The following CFAP52 variants were observed in gnomAD, a reference collection of about 807,000 sequenced individuals.
CFAP52 encodes the protein cilia- and flagella-associated protein 52.
In CFAP52, 57 loss-of-function variants were observed where a neutral mutation model predicts 70.5. The observed-to-expected ratio is 0.81, with a 90% confidence interval of 0.65 to 1.01. The LOEUF (loss-of-function observed/expected upper bound fraction) is 1.01, where lower values mean the gene tolerates loss of function less well. CFAP52 is among the 50% of genes least tolerant of loss of function. CFAP52 has a pLI of 0.00. For synonymous variants in CFAP52, 267 were observed against 292.5 expected (o/e 0.91, Z 0.89); for missense variants, 785 against 788.5 (o/e 1.00, Z 0.05).
chr17:9,638,548 G>T, intron 11 of CFAP52, 61 bp from the exon 12 acceptor site: 1 of 1,527,466 alleles, frequency 6.5e-7, no homozygotes, highest in Non-Finnish European at 9.1e-7. Context: ...AGCTTGAATA[G>T]TGAATAAATT....
At chr17:9,600,633 C>T (rs1325052532) in intron 6 of CFAP52, among the ~76,000 whole-genome samples, 2 of 151,918 alleles carry the variant, frequency 1.3e-5, no homozygotes, top group South Asian at 2.1e-4. Flanking sequence ...GGCGAGATGT[C>T]GGTTCACAGC....
chr17:9,577,458 TG>T (rs1567617095), intron 1 of CFAP52, among the ~76,000 whole-genome samples: 1 of 152,244 alleles, frequency 6.6e-6, no homozygotes, highest in African/African-American at 2.4e-5. Flanking sequence ...GGGGTTTTAT[TG>T]TTCGTTTTGA....
downstream of CFAP52, among the ~76,000 whole-genome samples, chr17:9,644,076 G>A (rs1911210485): frequency 6.6e-6 from 1 of 152,194 alleles, no homozygotes; most frequent in South Asian, 2.1e-4. Flanking sequence ...GGTAACTGCT[G>A]TAACCCGGTT....
At chr17:9,586,568 C>A (rs1176082383) in intron 2 of CFAP52, 130 bp from the exon 3 acceptor site, 662 of 894,118 alleles carry the variant, frequency 7.4e-4, no homozygotes, top group African/African-American at 4.3e-3. Flanking sequence ...TCCGTCTCAA[C>A]AAAAAAAAAA....
At chr17:9,612,195 TGA>T (rs1909739092) in intron 7 of CFAP52, 112 bp from the exon 8 acceptor site, 6 of 1,342,704 alleles carry the variant, frequency 4.5e-6, no homozygotes, top group Non-Finnish European at 6.1e-6. Flanking sequence ...GTCACTTCTG[TGA>T]GGGCGTGTCT....
At chr17:9,576,896 C>G in intron 1 of CFAP52, 131 bp downstream of exon 1, 1 of 949,706 alleles carries the variant, frequency 1.1e-6, no homozygotes, top group Non-Finnish European at 1.5e-6. Context: ...TGGCCAGGGA[C>G]ACGCACAGGA....
chr17:9,640,924 G>A (rs1008990890), intron 12 of CFAP52, among the ~76,000 whole-genome samples: 1 of 152,328 alleles, frequency 6.6e-6, no homozygotes, highest in Admixed American at 6.5e-5. Flanking sequence ...GATTATAGGT[G>A]TGAGCCGCTG....
At chr17:9,626,421 C>T (rs58609679) in intron 8 of CFAP52, among the ~76,000 whole-genome samples, 3 of 152,150 alleles carry the variant, frequency 2.0e-5, no homozygotes, top group South Asian at 4.1e-4. Flanking sequence ...GTAGATACAG[C>T]GTTTTGCCAT....
chr17:9,584,119 C>T (rs1317589846), intron 1 of CFAP52: 3 of 1,099,328 alleles, frequency 2.7e-6, no homozygotes, highest in African/African-American at 3.3e-5. Context: ...CCTGTTCTTA[C>T]CAGGCTGGTC....
intron 1 of CFAP52, among the ~76,000 whole-genome samples, chr17:9,580,938 C>T (rs116815948): frequency 0.018 from 2,805 of 152,174 alleles, 91 homozygotes; most frequent in African/African-American, 0.064. Flanking sequence ...AAAAAATTTA[C>T]GTGCAATGAA....
intron 9 of CFAP52, among the ~76,000 whole-genome samples, chr17:9,631,052 G>GAGAAAGAA (rs1555544295): frequency 0.095 from 3,601 of 37,954 alleles, 350 homozygotes; most frequent in Non-Finnish European, 0.12. Flanking sequence ...GAGAGAGAGA[G>GAGAAAGAA]AGAAAGAAAG....
At chr17:9,613,825 C>T (rs1317446530) in intron 8 of CFAP52, among the ~76,000 whole-genome samples, 1 of 151,924 alleles carries the variant, frequency 6.6e-6, no homozygotes, top group Non-Finnish European at 1.5e-5. Context: ...GGCCTCAGAC[C>T]TCAGTTTTTG....
chr17:9,608,072 ATTT>A, intron 6 of CFAP52, 44 bp from the exon 7 acceptor site: 1 of 1,521,950 alleles, frequency 6.6e-7, no homozygotes, highest in Non-Finnish European at 9.0e-7. Flanking sequence ...TTTAGTGGTG[ATTT>A]GTGAGATTTT....
At chr17:9,594,515 CT>C in intron 4 of CFAP52, 194 bp downstream of exon 4, 1 of 597,414 alleles carries the variant, frequency 1.7e-6, no homozygotes, top group South Asian at 3.9e-5. Context: ...TTTTAAAATT[CT>C]GTGATTGCTG....
At chr17:9,616,590 C>G (rs1191337262) in intron 8 of CFAP52, among the ~76,000 whole-genome samples, 2 of 145,260 alleles carry the variant, frequency 1.4e-5, no homozygotes, top group South Asian at 2.1e-4. Context: ...TGCAGACTTA[C>G]GTGTCCCTGT....
intron 2 of CFAP52, among the ~76,000 whole-genome samples, chr17:9,586,324 G>A (rs1389404929): frequency 1.3e-5 from 2 of 152,134 alleles, no homozygotes; most frequent in Non-Finnish European, 2.9e-5. Flanking sequence ...AGCACTTTGG[G>A]AGGCCTAGAC....
Position 9,638,725 on chromosome 17 carries a change from G to T in CFAP52, c.1575+14G>T. The stretch of plus-strand genomic sequence containing the variant: ...ACAGACAGAAAGGTGAGTCCTCCCA[G>T]TGAGAGATGAGATCTTTCCAGCGCA... On this transcript the variant is annotated intron_variant, in intron 12 of 13. Coordinates refer to ENST00000352665, the MANE Select transcript of CFAP52 (RefSeq NM_145054.5). The T allele has an allele frequency of 6.2e-7, 1 of 1,612,326 alleles. No individual in the cohort carries two copies. The highest frequency in any genetic ancestry group is 8.5e-7 in the Non-Finnish European group (1 of 1,178,372).
intron 9 of CFAP52, among the ~76,000 whole-genome samples, chr17:9,631,222 A>G (rs760512293): frequency 3.6e-4 from 54 of 151,758 alleles, no homozygotes; most frequent in South Asian, 6.3e-4. Flanking sequence ...GTCCTCCTTT[A>G]CCTTCTTACC....
At chr17:9,597,158 G>C (rs1212560379) in intron 4 of CFAP52, among the ~76,000 whole-genome samples, 2 of 152,150 alleles carry the variant, frequency 1.3e-5, no homozygotes, top group Non-Finnish European at 2.9e-5. Context: ...AAGTCATGCA[G>C]TGTTTGTTTT....
Sources: gnomAD v4.1 joint callset for allele counts (sites outside exome capture counted in the v4.1 genomes callset) on GRCh38, gnomAD v4.1.1 for gene constraint, MANE v1.5 for transcripts, NCBI Gene and HGNC (gene_info 2026-07-23, HGNC 2026-07-21) for gene names.